ATXN3: variants seen among roughly 807,000 people sequenced by gnomAD.
The protein encoded by ATXN3 is ataxin-3.
A neutral mutation model predicts 58.2 loss-of-function variants in ATXN3; 28 were observed. That is an observed-to-expected ratio of 0.48 (90% CI 0.36 to 0.66). The LOEUF (loss-of-function observed/expected upper bound fraction) is 0.66. Ranked by LOEUF, ATXN3 falls within the 30% of genes least tolerant of loss-of-function variation. The probability of loss-of-function intolerance (pLI) is 0.00; values close to 1 mark genes in which losing one functional copy is unlikely to be tolerated. For synonymous variants in ATXN3, 113 were observed against 138.5 expected (o/e 0.82, Z 1.29); for missense variants, 321 against 422.1 (o/e 0.76, Z 2.10).
intron 10 of ATXN3, among the ~76,000 whole-genome samples, chr14:92,069,875 G>A (rs2059143347): frequency 6.6e-6 from 1 of 152,030 alleles, no homozygotes; most frequent in Non-Finnish European, 1.5e-5. Flanking sequence ...CCAACACTTG[G>A]TATTGTCAGT....
At chr14:92,054,859 G>A (rs981921489), downstream of ATXN3, among the ~76,000 whole-genome samples, 1 of 149,764 alleles carries the variant, frequency 6.7e-6, no homozygotes, top group African/African-American at 2.5e-5. Flanking sequence ...AGCATGTAAA[G>A]TCACTGTTAT....
rs183215055 is a variant in ATXN3 at position 92,078,365 on chromosome 14, T to C, written c.872+2600A>G. On this transcript the variant is annotated intron_variant, in intron 9 of 10. Transcript: ENST00000644486. ...GATTTAAGTTATTTTTTATTATTTA[T>C]TTATTTATTTATTTGAGATGGAGTT... is the stretch of plus-strand genomic sequence containing the variant. Among the ~76,000 whole-genome samples, 116 of 151,870 alleles carry C rather than the reference T, an allele frequency of 7.6e-4. 1 individual carries two copies. Among genetic ancestry groups the C allele is most frequent in the Admixed American group, 1.7e-3 (26 of 15,222 alleles).
intron 9 of ATXN3, chr14:92,077,621 T>G (rs2060640505): frequency 6.6e-6 from 1 of 151,834 alleles, no homozygotes; most frequent in Non-Finnish European, 1.5e-5. Flanking sequence ...GTGCTGGGAT[T>G]GCAGGCATGA....
At chr14:92,079,528 A>G (rs552944466) in intron 9 of ATXN3, 1 of 698,080 alleles carries the variant, frequency 1.4e-6, no homozygotes, top group Non-Finnish European at 1.8e-6. Context: ...CAAATGTAAA[A>G]TGAGCCAATA....
intron 1 of ATXN3, among the ~76,000 whole-genome samples, chr14:92,106,138 G>A (rs1452856032): frequency 6.6e-6 from 1 of 152,174 alleles, no homozygotes; most frequent in African/African-American, 2.4e-5. Context: ...AGGGGTTGAG[G>A]GAGGTGTCCC....
chr14:92,106,546 A>G lies in ATXN3; in HGVS notation c.7T>C (p.Ser3Pro). ME[S>P]IFHEKQEGSL... ...ACACTCACTTTCTCGTGGAAGATGG[A>G]CTCCATGTTTATTTGTCTGGAGCCA... Residue 3 changes from serine to proline, a missense_variant, in exon 1 of 11, where the codon TCC becomes CCC. Physicochemically the swap from Ser to Pro is moderately conservative, Grantham distance 74. Transcript: ENST00000644486. 3.1e-6 allele frequency: 5 copies of G among 1,612,296 alleles called. No homozygotes were observed. Among genetic ancestry groups the G allele is most frequent in the Non-Finnish European group, 4.2e-6 (5 of 1,179,316 alleles).
intron 9 of ATXN3, among the ~76,000 whole-genome samples, chr14:92,073,346 T>C (rs771119059): frequency 6.6e-6 from 1 of 152,264 alleles, no homozygotes; most frequent in Non-Finnish European, 1.5e-5. Context: ...AGCTAAAAGC[T>C]ACATGTCTTA....
rs2140761025 is a variant in ATXN3, at chr14:92,082,427, A to G, written c.648T>C (p.Asn216=). The G allele has an allele frequency of 6.2e-7, 1 of 1,614,084 alleles. No homozygotes were observed. The highest frequency in any genetic ancestry group is 1.1e-5 in the South Asian group (1 of 91,078). Residue 216 remains asparagine (N), a synonymous_variant, in exon 8 of 11, where the codon AAT becomes AAC. Transcript: ENST00000644486. ...KTDLERVLEA[N]DGSGMLDEDE... is the part of the protein sequence containing the mutation. ...CTTCGTCTAACATTCCTGAGCCATCATTTGCTTCTAACACTCGTTCCAGGT... is the reference window on the plus strand; with the variant it reads ...CTTCGTCTAACATTCCTGAGCCATCGTTTGCTTCTAACACTCGTTCCAGGT...
At chr14:92,082,489 A>G (rs1184497592) in intron 7 of ATXN3, 23 bp from the exon 8 acceptor site, 1 of 1,588,310 alleles carries the variant, frequency 6.3e-7, no homozygotes, top group Non-Finnish European at 8.6e-7. Context: ...AGCACTGGTA[A>G]TAACTGCAAC....
chr14:92,106,340 G>A (rs1387381818), intron 1 of ATXN3, among the ~76,000 whole-genome samples, 189 bp downstream of exon 1: 3 of 151,846 alleles, frequency 2.0e-5, no homozygotes, highest in Non-Finnish European at 4.4e-5. Context: ...GGCCGCGGGG[G>A]AAGTAGGGGC....
chr14:92,086,253 CAAAAAA>C (rs869147623), intron 6 of ATXN3, among the ~76,000 whole-genome samples: 2 of 94,944 alleles, frequency 2.1e-5, no homozygotes, highest in African/African-American at 8.7e-5. Flanking sequence ...ACTAAAAATA[CAAAAAA>C]AAAAAAAAAA....
chr14:92,093,960 T>TG, intron 3 of ATXN3, 129 bp from the exon 4 acceptor site: 3 of 542,376 alleles, frequency 5.5e-6, no homozygotes, highest in East Asian at 3.3e-5. Context: ...TTTTTTTTTT[T>TG]TGTGACAGAG....
intron 1 of ATXN3, among the ~76,000 whole-genome samples, chr14:92,099,684 C>T (rs1463396838): frequency 6.7e-6 from 1 of 149,742 alleles, no homozygotes; most frequent in East Asian, 1.9e-4. Context: ...GCCTGGACAA[C>T]ATGGTGAAAC....
chr14:92,097,231 ATTT>A (rs757477224), intron 1 of ATXN3, among the ~76,000 whole-genome samples: 1 of 138,912 alleles, frequency 7.2e-6, no homozygotes, highest in Middle Eastern at 3.8e-3. Flanking sequence ...TTAATCATTA[ATTT>A]TTTTTTTTTT....
chr14:92,080,268 C>T (rs974033570), intron 9 of ATXN3, among the ~76,000 whole-genome samples: 3 of 152,082 alleles, frequency 2.0e-5, no homozygotes, highest in African/African-American at 7.2e-5. Context: ...TGAACTACCA[C>T]GTCTATTTGG....
At chr14:92,076,642 C>CA (rs2060434895) in intron 9 of ATXN3, among the ~76,000 whole-genome samples, 2 of 150,988 alleles carry the variant, frequency 1.3e-5, no homozygotes, top group African/African-American at 4.9e-5. Context: ...TTTATTTTGA[C>CA]AAAAAAGACT....
At chr14:92,104,510 T>C (rs2067700762) in intron 1 of ATXN3, among the ~76,000 whole-genome samples, 1 of 152,178 alleles carries the variant, frequency 6.6e-6, no homozygotes, top group African/African-American at 2.4e-5. Context: ...TCAGTACAAA[T>C]GTGTCCCAAC....
chr14:92,070,763 T>C, intron 10 of ATXN3, 172 bp downstream of exon 10: 1 of 1,345,712 alleles, frequency 7.4e-7, no homozygotes, highest in Non-Finnish European at 9.7e-7. Flanking sequence ...TTTTTTTTCT[T>C]TTGGTAACTG....
At chr14:92,079,460 G>C in intron 9 of ATXN3, 1 of 982,066 alleles carries the variant, frequency 1.0e-6, no homozygotes, top group Non-Finnish European at 1.2e-6. Flanking sequence ...ATCTACTTCT[G>C]AGTTGTGACT....
Sources: gnomAD v4.1 joint callset for allele counts (sites outside exome capture counted in the v4.1 genomes callset) on GRCh38, gnomAD v4.1.1 for gene constraint, MANE v1.5 for transcripts, NCBI Gene and HGNC (gene_info 2026-07-23, HGNC 2026-07-21) for gene names.